The following TEKT5 variants were observed in gnomAD, a reference collection of about 807,000 sequenced individuals.
TEKT5 encodes tektin 5, also known as tektin-5.
TEKT5 carries 52 observed loss-of-function variants against 48.7 expected under a neutral mutation model. The observed-to-expected ratio is 1.07, with a 90% CI of 0.86 to 1.35. The LOEUF (loss-of-function observed/expected upper bound fraction) is 1.35. Among genes scored for constraint, TEKT5 ranks in the 40% most tolerant of loss-of-function variants. The probability of loss-of-function intolerance (pLI) is 0.00; values close to 1 mark genes in which losing one functional copy is unlikely to be tolerated. For missense variants in TEKT5, 831 were observed against 641.6 expected (o/e 1.30, Z -3.19); for synonymous variants, 318 against 267.6 (o/e 1.19, Z -1.84).
chr16:10,651,777 T>G (rs374083689), intron 5 of TEKT5, among the ~76,000 whole-genome samples: 1 of 152,052 alleles, frequency 6.6e-6, no homozygotes, highest in East Asian at 1.9e-4. Flanking sequence ...CTGACAAACA[T>G]GGCGAAACCC....
chr16:10,636,504 G>T (rs2142259820), intron 5 of TEKT5, among the ~76,000 whole-genome samples: 1 of 152,202 alleles, frequency 6.6e-6, no homozygotes, highest in East Asian at 1.9e-4. Flanking sequence ...ATAGCCATTA[G>T]AGTTGCCAAT....
At chr16:10,628,781 C>T (rs183415418) in intron 6 of TEKT5, among the ~76,000 whole-genome samples, 3 of 151,954 alleles carry the variant, frequency 2.0e-5, no homozygotes, top group African/African-American at 7.2e-5. Flanking sequence ...TGGTGGGTGC[C>T]TGTAATCCCA....
chr16:10,628,760 G>T (rs532007766), intron 6 of TEKT5, among the ~76,000 whole-genome samples: 1 of 152,048 alleles, frequency 6.6e-6, no homozygotes, highest in African/African-American at 2.4e-5. Context: ...CAAAAAGTTA[G>T]CCAGGCATGA....
chr16:10,673,707 G>A (rs1480130926), intron 5 of TEKT5, among the ~76,000 whole-genome samples: 1 of 146,804 alleles, frequency 6.8e-6, no homozygotes, highest in Non-Finnish European at 1.5e-5. Flanking sequence ...CTGGAGTGCA[G>A]TGGTGAGATC....
chr16:10,651,742 CT>C (rs1476741982), intron 5 of TEKT5, among the ~76,000 whole-genome samples: 1 of 152,070 alleles, frequency 6.6e-6, no homozygotes, highest in African/African-American at 2.4e-5. Flanking sequence ...GGAGGATCAC[CT>C]GAGATCAGGG....
intron 3 of TEKT5, 26 bp from the exon 4 acceptor site, chr16:10,682,162 G>A (rs375023403): frequency 2.6e-5 from 42 of 1,611,566 alleles, no homozygotes; most frequent in African/African-American, 4.0e-5. Context: ...AGTCATTCCT[G>A]GACTATGCAC....
chr16:10,688,345 C>T (rs1567236838), intron 3 of TEKT5, among the ~76,000 whole-genome samples: 2 of 152,214 alleles, frequency 1.3e-5, no homozygotes, highest in African/African-American at 2.4e-5. Context: ...CTAACCCCTT[C>T]GGGGGATCCA....
At chr16:10,666,531 A>G in intron 5 of TEKT5, among the ~76,000 whole-genome samples, 1 of 152,166 alleles carries the variant, frequency 6.6e-6, no homozygotes, top group South Asian at 2.1e-4. Context: ...GCCTCCAAAC[A>G]TTTCAAGTGT....
intron 5 of TEKT5, among the ~76,000 whole-genome samples, chr16:10,652,581 T>C (rs12925287): frequency 2.0e-3 from 92 of 46,536 alleles, no homozygotes; most frequent in Middle Eastern, 0.023. Flanking sequence ...CCAGGTAGAA[T>C]GATCCCTTAT....
chr16:10,674,507 C>A (rs145890088), intron 5 of TEKT5, among the ~76,000 whole-genome samples: 1 of 150,422 alleles, frequency 6.6e-6, no homozygotes, highest in African/African-American at 2.5e-5. Flanking sequence ...TGGTGGCACG[C>A]ACACGTAGTC....
chr16:10,672,858 G>GTT (rs907219244), intron 5 of TEKT5, among the ~76,000 whole-genome samples: 3 of 139,356 alleles, frequency 2.2e-5, no homozygotes, highest in Admixed American at 7.2e-5. Context: ...GTTTTTTTTT[G>GTT]TTTTTTTTTT....
At chr16:10,632,070 C>T (rs1897848046) in intron 6 of TEKT5, among the ~76,000 whole-genome samples, 1 of 152,154 alleles carries the variant, frequency 6.6e-6, no homozygotes, top group African/African-American at 2.4e-5. Context: ...GCTGGGTGAA[C>T]TTCCCCATGG....
rs115689519 is a variant in TEKT5 at position 10,649,938 on chromosome 16, A to G, written c.1087-14020T>C. The stretch of plus-strand genomic sequence containing the variant: ...CCCTGCTCCTACGGAGCCTGTTCCT[A>G]CCCCATATCCTTCCCAGGTTGGAGA... On this transcript the variant is annotated intron_variant, in intron 5 of 6. Transcript: ENST00000283025. Among the ~76,000 whole-genome samples, 948 of 152,066 alleles carry G rather than the reference A, an allele frequency of 6.2e-3. 11 individuals are homozygous for G. The highest frequency in any genetic ancestry group is 0.022 in the African/African-American group (907 of 41,472).
rs1555465687 is a variant in TEKT5 at position 10,652,640 on chromosome 16, A to ACC, written c.1087-16724_1087-16723dup. On this transcript the variant is annotated intron_variant, in intron 5 of 6. Transcript: ENST00000283025. Reference sequence around the variant, plus strand: ...CACACACACACACACACACACACACACCCTCCAGGCCAAGTAGAGCGATCC... The same window carrying ACC: ...CACACACACACACACACACACACACACCCCCTCCAGGCCAAGTAGAGCGATCC... Among the ~76,000 whole-genome samples the ACC allele has an allele frequency of 4.2e-4, 16 of 37,900 alleles. 1 individual carries two copies. The highest frequency in any genetic ancestry group is 2.2e-3 in the Admixed American group (8 of 3,578). 24.9% of individuals were successfully genotyped at this position (37,900 alleles called of 152,430 possible). A position where few individuals can be genotyped will look rare whatever the true frequency, so the allele number is the denominator to read the frequency against.
At chr16:10,690,820 G>C (rs1427659301) in intron 1 of TEKT5, 8 of 978,688 alleles carry the variant, frequency 8.2e-6, no homozygotes, top group African/African-American at 1.8e-5. Context: ...TGTCACAAAG[G>C]GCCCAGGAGC....
intron 2 of TEKT5, 79 bp downstream of exon 2, chr16:10,689,863 A>G (rs1898936348): frequency 7.2e-7 from 1 of 1,394,566 alleles, no homozygotes; most frequent in African/African-American, 1.4e-5. Context: ...TGCTCCTGAC[A>G]GGTAGCTCAG....
At chr16:10,671,451 G>C (rs1446568471) in intron 5 of TEKT5, among the ~76,000 whole-genome samples, 1 of 152,206 alleles carries the variant, frequency 6.6e-6, no homozygotes, top group Admixed American at 6.5e-5. Flanking sequence ...ATATTACTCT[G>C]ACTTGAAAAA....
intron 5 of TEKT5, among the ~76,000 whole-genome samples, chr16:10,643,819 C>G (rs986939629): frequency 1.3e-5 from 2 of 152,142 alleles, no homozygotes; most frequent in African/African-American, 4.8e-5. Context: ...AGGTGGATCA[C>G]CTGAGGTCAG....
chr16:10,661,553 GA>G (rs1898370654), intron 5 of TEKT5, among the ~76,000 whole-genome samples: 2 of 152,234 alleles, frequency 1.3e-5, no homozygotes, highest in South Asian at 4.1e-4. Context: ...AGACAGAGGG[GA>G]CAATCTGGAC....
Sources: gnomAD v4.1 joint callset for allele counts (sites outside exome capture counted in the v4.1 genomes callset) on GRCh38, gnomAD v4.1.1 for gene constraint, MANE v1.5 for transcripts, NCBI Gene and HGNC (gene_info 2026-07-23, HGNC 2026-07-21) for gene names.